The following CYP2J2 variants were observed in gnomAD, a reference collection of about 807,000 sequenced individuals.
The protein encoded by CYP2J2 is cytochrome P450 family 2 subfamily J member 2, also known as cytochrome P450 2J2.
In CYP2J2, 41 loss-of-function variants were observed where a neutral mutation model predicts 48.8. The observed-to-expected ratio is 0.84, with a 90% confidence interval of 0.66 to 1.09. The LOEUF is 1.09. CYP2J2 is among the 50% of genes least tolerant of loss of function. The pLI, the probability that CYP2J2 is intolerant of heterozygous loss-of-function variation, is 0.00. For synonymous variants in CYP2J2, 221 were observed against 227.1 expected (o/e 0.97, Z 0.24); for missense variants, 644 against 617.3 (o/e 1.04, Z -0.46).
At chr1:59,952,902 T>C in the CYP2J2 span, among the ~76,000 whole-genome samples, 2 of 152,070 alleles carry the variant, frequency 1.3e-5, no homozygotes, top group African/African-American at 4.8e-5. Context: ...ATAAGCAAAA[T>C]GAATGGTTCG....
intron 8 of CYP2J2, among the ~76,000 whole-genome samples, chr1:59,898,109 C>G (rs1359995298): frequency 1.3e-5 from 2 of 152,184 alleles, no homozygotes; most frequent in Non-Finnish European, 2.9e-5. Flanking sequence ...AACAAAGCAG[C>G]CTCAATTTTC....
At chr1:59,929,794 T>C (rs1296206359), upstream of CYP2J2, among the ~76,000 whole-genome samples, 1 of 152,080 alleles carries the variant, frequency 6.6e-6, no homozygotes, top group Non-Finnish European at 1.5e-5. Context: ...CCAGCATATA[T>C]GTAATCAGAA....
the CYP2J2 span, among the ~76,000 whole-genome samples, chr1:59,941,797 A>C: frequency 6.6e-6 from 1 of 152,212 alleles, no homozygotes; most frequent in African/African-American, 2.4e-5. Context: ...TAATGACATA[A>C]AGAAATGAAA....
intron 6 of CYP2J2, among the ~76,000 whole-genome samples, chr1:59,907,420 G>C (rs906102235): frequency 5.3e-5 from 8 of 152,166 alleles, no homozygotes. Flanking sequence ...AGACTAAAGT[G>C]CTTGAACATT....
At chr1:59,916,759 T>C (rs182506066) in intron 1 of CYP2J2, among the ~76,000 whole-genome samples, 136 of 152,030 alleles carry the variant, frequency 8.9e-4, no homozygotes, top group African/African-American at 3.1e-3. Flanking sequence ...AAACAAGATT[T>C]CTAACCCCAA....
the CYP2J2 span, among the ~76,000 whole-genome samples, chr1:59,954,973 C>CA: frequency 4.0e-5 from 6 of 151,316 alleles, no homozygotes; most frequent in Non-Finnish European, 8.8e-5. Context: ...CCCTTCTCTA[C>CA]AAAAAAATAC....
At chr1:59,968,942 C>T in the CYP2J2 span, among the ~76,000 whole-genome samples, 17 of 152,248 alleles carry the variant, frequency 1.1e-4, no homozygotes, top group Non-Finnish European at 1.9e-4. Flanking sequence ...GGGTTTCTTC[C>T]TTCTGGTGGG....
At chr1:59,912,514 T>C (rs889164502) in intron 2 of CYP2J2, 15 of 550,726 alleles carry the variant, frequency 2.7e-5, no homozygotes, top group Admixed American at 3.4e-5. Flanking sequence ...TTAATATGCA[T>C]TTTGTTGTGC....
At chr1:59,908,869 C>T (rs1293043771) in intron 5 of CYP2J2, among the ~76,000 whole-genome samples, 1 of 152,162 alleles carries the variant, frequency 6.6e-6, no homozygotes, top group African/African-American at 2.4e-5. Context: ...AGGTACAAAA[C>T]AGAAGGGAAG....
At chr1:59,908,769 T>C (rs1644385947) in intron 5 of CYP2J2, among the ~76,000 whole-genome samples, 1 of 152,212 alleles carries the variant, frequency 6.6e-6, no homozygotes, top group Admixed American at 6.5e-5. Flanking sequence ...GATGCAGTGA[T>C]ATGTGTTAAC....
the CYP2J2 span, among the ~76,000 whole-genome samples, chr1:59,943,008 G>T: frequency 1.3e-5 from 2 of 152,084 alleles, no homozygotes; most frequent in African/African-American, 4.8e-5. Context: ...AATTTTGGGT[G>T]GTGGTGCTAT....
chr1:59,933,716 C>G, the CYP2J2 span, among the ~76,000 whole-genome samples: 1 of 151,848 alleles, frequency 6.6e-6, no homozygotes, highest in Non-Finnish European at 1.5e-5. Context: ...TGCAAGACAT[C>G]GCTAAAAAAA....
intron 7 of CYP2J2, among the ~76,000 whole-genome samples, chr1:59,901,436 A>C (rs1458355844): frequency 6.6e-6 from 1 of 152,184 alleles, no homozygotes; most frequent in Non-Finnish European, 1.5e-5. Context: ...AGAATAATCC[A>C]ACAGTCAGTC....
At chr1:59,957,071 C>CA in the CYP2J2 span, among the ~76,000 whole-genome samples, 1 of 152,210 alleles carries the variant, frequency 6.6e-6, no homozygotes, top group African/African-American at 2.4e-5. Flanking sequence ...CAGAGCCCCC[C>CA]ACTTGGGTGC....
In CYP2J2 at chr1:59,911,722, A is replaced by T. The variant is rs1161723365; in HGVS notation, c.570T>A (p.Asn190Lys). 6.2e-7 allele frequency: 1 copy of T among 1,613,734 alleles called. No individual in the cohort carries two copies. Among genetic ancestry groups the T allele is most frequent in the Non-Finnish European group, 8.5e-7 (1 of 1,179,708 alleles). The change falls in exon 4 of 9, where the codon AAT becomes AAA. Residue 190 changes from asparagine to lysine, a missense_variant. Asn to Lys is a moderately conservative substitution (Grantham distance 94). Transcript: ENST00000371204. The part of the protein sequence containing the change: ...PHFKINNAVS[N>K]IICSITFGER... ...CTCCGAAGGTGATGGAGCAAATGAT[A>T]TTGGAAACTGCATTGTTGATCTTGA...
rs1238477763 is a variant in CYP2J2, at chr1:59,909,738, A to G, written c.861+46T>C. 3.4e-6 allele frequency: 5 copies of G among 1,459,104 alleles called. No homozygotes were observed. In the African/African-American group the frequency reaches 5.8e-5, roughly 17 times the overall value. 90.4% of individuals were successfully genotyped at this position (1,459,104 alleles called of 1,614,324 possible). A position where few individuals can be genotyped will look rare whatever the true frequency, so the allele number is the denominator to read the frequency against. On this transcript the variant is annotated intron_variant, in intron 5 of 8. Transcript: ENST00000371204. ...AGCAGTTGGAAACTAATATACCTCT[A>G]TTTGTGCTCTAAGAACAAAATACAA...
intron 7 of CYP2J2, among the ~76,000 whole-genome samples, chr1:59,903,732 T>G (rs1644340622): frequency 6.6e-6 from 1 of 152,088 alleles, no homozygotes; most frequent in South Asian, 2.1e-4. Context: ...TTAGACCAAT[T>G]GAAAAAATAA....
intron 8 of CYP2J2, among the ~76,000 whole-genome samples, chr1:59,896,903 A>G (rs1007820036): frequency 2.6e-5 from 4 of 152,348 alleles, no homozygotes; most frequent in Middle Eastern, 3.4e-3. Context: ...ATCATAACAG[A>G]TATTATTCCC....
chr1:59,924,932 A>C (rs1644551820), intron 1 of CYP2J2, among the ~76,000 whole-genome samples: 1 of 152,122 alleles, frequency 6.6e-6, no homozygotes, highest in Non-Finnish European at 1.5e-5. Flanking sequence ...ATAATAATAC[A>C]AGAAGGTTAA....
Sources: gnomAD v4.1 joint callset for allele counts (sites outside exome capture counted in the v4.1 genomes callset) on GRCh38, gnomAD v4.1.1 for gene constraint, MANE v1.5 for transcripts, NCBI Gene and HGNC (gene_info 2026-07-23, HGNC 2026-07-21) for gene names.